GABRB1: variants seen among roughly 807,000 people sequenced by gnomAD.
GABRB1 encodes gamma-aminobutyric acid type A receptor subunit beta1.
A neutral mutation model predicts 51.6 loss-of-function variants in GABRB1; 17 were observed. The observed-to-expected ratio is 0.33, with a 90% CI of 0.23 to 0.49. The LOEUF (loss-of-function observed/expected upper bound fraction) is 0.49. Among genes scored for constraint, GABRB1 ranks in the 20% least tolerant of loss-of-function variants. The pLI, the probability that GABRB1 is intolerant of heterozygous loss-of-function variation, is 0.99. For missense variants in GABRB1, 410 were observed against 600.6 expected (o/e 0.68, Z 3.32); for synonymous variants, 247 against 218.9 (o/e 1.13, Z -1.14).
chr4:47,350,522 G>A (rs1025844417), intron 5 of GABRB1, among the ~76,000 whole-genome samples: 2 of 151,424 alleles, frequency 1.3e-5, no homozygotes. Context: ...GGACAATAAT[G>A]TTTACTTCAT....
chr4:47,146,926 A>G (rs1717197035), intron 3 of GABRB1, among the ~76,000 whole-genome samples: 1 of 152,094 alleles, frequency 6.6e-6, no homozygotes, highest in South Asian at 2.1e-4. Context: ...TGTTAGTGTG[A>G]CTATTCAGTT....
chr4:47,018,517 G>A (rs1724814437), intron 1 of GABRB1, among the ~76,000 whole-genome samples: 1 of 151,924 alleles, frequency 6.6e-6, no homozygotes, highest in South Asian at 2.1e-4. Context: ...TAGAAGTTAG[G>A]GGCCCTCACC....
chr4:47,387,090 A>G (rs546613761), intron 5 of GABRB1, among the ~76,000 whole-genome samples: 2 of 152,324 alleles, frequency 1.3e-5, no homozygotes, highest in African/African-American at 2.4e-5. Flanking sequence ...ATTTGTCTCA[A>G]TCAAGGGAAT....
intron 8 of GABRB1, among the ~76,000 whole-genome samples, chr4:47,424,343 A>T (rs1463231591): frequency 6.6e-6 from 1 of 152,230 alleles, no homozygotes; most frequent in African/African-American, 2.4e-5. Flanking sequence ...TATCTATAAA[A>T]TGGGGATGGG....
intron 4 of GABRB1, among the ~76,000 whole-genome samples, chr4:47,193,562 A>T (rs369201199): frequency 1.3e-5 from 2 of 152,356 alleles, no homozygotes; most frequent in East Asian, 3.8e-4. Context: ...AATATCTCAC[A>T]GAGTTTTGGG....
At chr4:47,366,221 A>G (rs1230981126) in intron 5 of GABRB1, among the ~76,000 whole-genome samples, 2 of 152,108 alleles carry the variant, frequency 1.3e-5, no homozygotes, top group African/African-American at 4.8e-5. Flanking sequence ...TGTATATTGA[A>G]CCATTTTCCC....
intron 5 of GABRB1, among the ~76,000 whole-genome samples, chr4:47,344,005 G>C (rs77458183): frequency 6.6e-6 from 1 of 152,152 alleles, no homozygotes; most frequent in Admixed American, 6.5e-5. Flanking sequence ...CTTAGGGGCT[G>C]TTGCTTTAGA....
chr4:47,025,431 G>A (rs1185877284), intron 1 of GABRB1, among the ~76,000 whole-genome samples: 1 of 151,724 alleles, frequency 6.6e-6, no homozygotes. Flanking sequence ...GGCCATTCTT[G>A]CAGGAGTAAG....
intron 4 of GABRB1, among the ~76,000 whole-genome samples, chr4:47,169,683 G>T (rs1718357177): frequency 1.3e-5 from 2 of 152,068 alleles, no homozygotes; most frequent in East Asian, 3.9e-4. Flanking sequence ...TTGTATTTTT[G>T]TAGAAACGGG....
At chr4:47,225,803 C>G (rs1359255463) in intron 4 of GABRB1, among the ~76,000 whole-genome samples, 1 of 152,128 alleles carries the variant, frequency 6.6e-6, no homozygotes, top group Non-Finnish European at 1.5e-5. Context: ...ATTAATAGTT[C>G]ATGCCAACTT....
At chr4:47,267,760 ACTCCAGC>A (rs935016878) in intron 4 of GABRB1, among the ~76,000 whole-genome samples, 37 of 152,158 alleles carry the variant, frequency 2.4e-4, no homozygotes, top group Non-Finnish European at 5.0e-4. Flanking sequence ...GCACCATTGC[ACTCCAGC>A]CTGGGTGACA....
chr4:47,086,874 C>A lies in GABRB1; in HGVS notation c.240+54390C>A, dbSNP rs374156961. ...TGGTACCTCAGTACTGCTTCTGATA[C>A]CTCCATGGGAGTGGTCACACTCATT... On this transcript the variant is annotated intron_variant, in intron 3 of 8. Transcript: ENST00000295454. Among the ~76,000 whole-genome samples, 4 of 152,274 alleles carry A rather than the reference C, an allele frequency of 2.6e-5. No individual in the cohort carries two copies. In the East Asian group the frequency reaches 7.7e-4, roughly 29 times the overall value.
In GABRB1 at chr4:47,188,459, G is replaced by A. The variant is rs187139626; in HGVS notation, c.461+26990G>A. On this transcript the variant is annotated intron_variant, in intron 4 of 8. Transcript: ENST00000295454. ...TAATTGACCTTCAAAAGGGAATATT[G>A]TATTTTGGATGCCAAGGTAAATAAT... is the stretch of plus-strand genomic sequence containing the variant. 2.9e-3 allele frequency among the ~76,000 whole-genome samples: 436 copies of A among 151,970 alleles called. 3 individuals carry two copies. Among genetic ancestry groups the A allele is most frequent in the African/African-American group, 9.4e-3 (392 of 41,494 alleles).
chr4:47,367,336 A>T (rs988118123), intron 5 of GABRB1, among the ~76,000 whole-genome samples: 1 of 152,230 alleles, frequency 6.6e-6, no homozygotes, highest in African/African-American at 2.4e-5. Flanking sequence ...TACCATGTCT[A>T]GTATCTCTGT....
intron 5 of GABRB1, among the ~76,000 whole-genome samples, chr4:47,362,551 G>T (rs1233397852): frequency 6.6e-6 from 1 of 152,108 alleles, no homozygotes; most frequent in African/African-American, 2.4e-5. Context: ...ATTTTACGTG[G>T]TTCTAGGAGA....
At chr4:47,039,501 A>G (rs1441085749) in intron 3 of GABRB1, among the ~76,000 whole-genome samples, 2 of 151,760 alleles carry the variant, frequency 1.3e-5, no homozygotes, top group African/African-American at 2.4e-5. Context: ...GTCTTTTTTG[A>G]AAAGCATATT....
At chr4:47,422,495 A>G (rs1729120842) in intron 8 of GABRB1, among the ~76,000 whole-genome samples, 1 of 152,154 alleles carries the variant, frequency 6.6e-6, no homozygotes, top group Non-Finnish European at 1.5e-5. Flanking sequence ...GGCCTTATTG[A>G]TAAATCTATG....
chr4:47,367,835 G>A (rs1423973785), intron 5 of GABRB1, among the ~76,000 whole-genome samples: 1 of 152,218 alleles, frequency 6.6e-6, no homozygotes, highest in African/African-American at 2.4e-5. Context: ...CCAAAAGGAT[G>A]TACAGAAACC....
Position 47,426,055 on chromosome 4 carries a change from C to T in GABRB1, c.*37C>T, listed in dbSNP as rs1729283144. ...ATGGTTCCATTTAGACTACTTTCCTCTTCTATTGTTTTTTAACCTTACAGG... is the reference window on the plus strand; with the variant it reads ...ATGGTTCCATTTAGACTACTTTCCTTTTCTATTGTTTTTTAACCTTACAGG... On this transcript the variant is annotated 3_prime_UTR_variant, in exon 9 of 9. Transcript: ENST00000295454. 1 of 1,475,844 alleles carries T rather than the reference C, an allele frequency of 6.8e-7. No homozygotes were observed. The highest frequency in any genetic ancestry group is 2.2e-5 in the Admixed American group (1 of 45,002). The allele number at this position is 1,475,844 out of a possible 1,614,324, so 91.4% of individuals were successfully genotyped here.
Sources: gnomAD v4.1 joint callset for allele counts (sites outside exome capture counted in the v4.1 genomes callset) on GRCh38, gnomAD v4.1.1 for gene constraint, MANE v1.5 for transcripts, NCBI Gene and HGNC (gene_info 2026-07-23, HGNC 2026-07-21) for gene names.